The following PLEKHA1 variants were observed in gnomAD, a reference collection of about 807,000 sequenced individuals.
PLEKHA1 encodes pleckstrin homology domain containing A1, also known as pleckstrin homology domain-containing family A member 1.
Under a neutral mutation model 52.0 loss-of-function variants are expected in PLEKHA1, and 34 were observed. The observed-to-expected ratio is 0.65, with a 90% confidence interval of 0.50 to 0.87. PLEKHA1 has a LOEUF of 0.87. Ranked by LOEUF, PLEKHA1 falls within the 40% of genes least tolerant of loss-of-function variation. PLEKHA1 has a pLI of 0.00. For synonymous variants in PLEKHA1, 163 were observed against 170.7 expected (o/e 0.95, Z 0.35); for missense variants, 497 against 504.2 (o/e 0.99, Z 0.14).
Position 122,418,255 on chromosome 10 carries a change from G to C in PLEKHA1, c.681+287G>C, listed in dbSNP as rs1418398546. The C allele has an allele frequency of 3.7e-5, 10 of 268,902 alleles. No homozygotes were observed. The South Asian group carries it at 4.2e-4, about 11-fold the overall frequency. The allele number at this position is 268,902 out of a possible 1,614,324, so 16.7% of individuals were successfully genotyped here. ...CTCTAAAGGGGCTGTCCTCTTGGGG[G>C]GTTAGCCCCACGTGGAGTAGGGAGA... On this transcript the variant is annotated intron_variant, in intron 8 of 11. Coordinates refer to ENST00000368990, the MANE Select transcript of PLEKHA1 (RefSeq NM_001001974.4).
intron 4 of PLEKHA1, among the ~76,000 whole-genome samples, chr10:122,405,038 AAAAT>A (rs1453917510): frequency 6.6e-6 from 1 of 152,214 alleles, no homozygotes; most frequent in African/African-American, 2.4e-5. Flanking sequence ...TATGCTTTTA[AAAAT>A]AAATGCAGAT....
At position 122,397,985 on chromosome 10, in the gene PLEKHA1, T is replaced by C; in HGVS notation, c.198+11T>C. On this transcript the variant is annotated intron_variant, in intron 3 of 11. Coordinates refer to ENST00000368990, the MANE Select transcript of PLEKHA1 (RefSeq NM_001001974.4). Reference sequence around the variant, plus strand: ...ACCTACATTTCAAAGGTAGTCTTTATACATTGTCTTATACTCGTGTGAATT... The same window carrying C: ...ACCTACATTTCAAAGGTAGTCTTTACACATTGTCTTATACTCGTGTGAATT... The C allele has an allele frequency of 2.5e-6, 4 of 1,596,782 alleles. No homozygotes were observed. Among genetic ancestry groups the C allele is most frequent in the Non-Finnish European group, 3.4e-6 (4 of 1,165,202 alleles).
Position 122,429,635 on chromosome 10 carries a change from C to G in PLEKHA1, c.912C>G (p.Pro304=), listed in dbSNP as rs138394797. ...ACTCCTTTTTGCAGGAGCATCCCCC[C>G]GGTCCTTCAGAATCCAAACACGCTT... is the stretch of plus-strand genomic sequence containing the variant. ...PGRSASSEHP[P]GPSESKHAFR... is the part of the protein sequence containing the mutation. The change falls in exon 12 of 12, where the codon CCC becomes CCG. Residue 304 remains proline, a synonymous_variant. Transcript: ENST00000368990. 2.5e-6 allele frequency: 4 copies of G among 1,613,432 alleles called. No individual in the cohort carries two copies. In the East Asian group the frequency reaches 6.7e-5, roughly 27 times the overall value.
Position 122,406,654 on chromosome 10 carries a change from A to G in PLEKHA1, c.323A>G (p.Asn108Ser). ...CTAGTGGAATGGGTAAATGTGTTAAACAAAGCTATAAAAATTACAGTAAGT... is the reference window on the plus strand; with the variant it reads ...CTAGTGGAATGGGTAAATGTGTTAAGCAAAGCTATAAAAATTACAGTAAGT... Reference protein sequence around the residue: ...QDLVEWVNVLNKAIKITVPKQ... With the variant: ...QDLVEWVNVLSKAIKITVPKQ... The change falls in exon 5 of 12, where the codon AAC becomes AGC. Residue 108 changes from asparagine to serine, a missense_variant. By Grantham distance (46) the Asn-to-Ser change is conservative (BLOSUM62 1). Transcript: ENST00000368990. 6.2e-7 allele frequency: 1 copy of G among 1,608,750 alleles called. No homozygotes were observed. Among genetic ancestry groups the G allele is most frequent in the Non-Finnish European group, 8.5e-7 (1 of 1,175,386 alleles).
At chr10:122,384,535 G>T (rs1008865807) in intron 1 of PLEKHA1, among the ~76,000 whole-genome samples, 1 of 151,378 alleles carries the variant, frequency 6.6e-6, no homozygotes, top group African/African-American at 2.4e-5. Context: ...GTGAACCCCA[G>T]GGGGCAGAGC....
At chr10:122,419,102 C>T (rs2097220467) in intron 8 of PLEKHA1, 1 of 152,176 alleles carries the variant, frequency 6.6e-6, no homozygotes, top group Non-Finnish European at 1.5e-5. Flanking sequence ...AGATTCACCT[C>T]AGGAGTCAGC....
chr10:122,393,070 T>C lies in PLEKHA1; in HGVS notation c.-20-111T>C. ...AGATGTTGGTGTGTGTTCATTTTAA[T>C]TGACCTTACCTAATGTTGGCAAGTT... On this transcript the variant is annotated intron_variant, in intron 1 of 11. Transcript: ENST00000368990. The surrounding 1 kb of genome is among the most constrained non-coding windows in gnomAD (Gnocchi z 4.5). 1.3e-6 allele frequency: 1 copy of C among 761,816 alleles called. No individual in the cohort carries two copies. The highest frequency in any genetic ancestry group is 1.8e-5 in the African/African-American group (1 of 56,390). 47.2% of individuals were successfully genotyped at this position (761,816 alleles called of 1,614,324 possible).
chr10:122,400,375 G>A lies in PLEKHA1; in HGVS notation c.231G>A (p.Ala77=), dbSNP rs759228810. The change falls in exon 4 of 12, where the codon GCG becomes GCA. Residue 77 remains alanine, a synonymous_variant. Transcript: ENST00000368990. ...ATGCTACTAAGCTAAGGCCAAAGGCGGAGTTCTGTTTTGGTAAGTAGCCAT... is the reference window on the plus strand; with the variant it reads ...ATGCTACTAAGCTAAGGCCAAAGGCAGAGTTCTGTTTTGGTAAGTAGCCAT... ...VSDATKLRPK[A]EFCFVMNAGM... 35 of 1,606,518 alleles carry A rather than the reference G, an allele frequency of 2.2e-5. No individual in the cohort carries two copies. The highest frequency in any genetic ancestry group is 1.2e-4 in the Admixed American group (7 of 58,498).
chr10:122,389,083 G>A, intron 1 of PLEKHA1, among the ~76,000 whole-genome samples: 1 of 152,196 alleles, frequency 6.6e-6, no homozygotes, highest in East Asian at 1.9e-4. Flanking sequence ...AATCATGAAT[G>A]TTCTGAACAG....
chr10:122,391,454 G>A (rs2096774025), intron 1 of PLEKHA1, among the ~76,000 whole-genome samples: 1 of 152,102 alleles, frequency 6.6e-6, no homozygotes, highest in South Asian at 2.1e-4. Context: ...ATGGTGTGAG[G>A]TAGGGGGTCC....
intron 9 of PLEKHA1, 139 bp downstream of exon 9, chr10:122,424,402 A>G: frequency 1.0e-6 from 1 of 966,082 alleles, no homozygotes; most frequent in Non-Finnish European, 1.4e-6. Context: ...GAGATACACT[A>G]GAATTTTCAA....
At chr10:122,384,377 G>C (rs2096658114) in intron 1 of PLEKHA1, among the ~76,000 whole-genome samples, 2 of 149,040 alleles carry the variant, frequency 1.3e-5, no homozygotes, top group African/African-American at 5.0e-5. Context: ...GGGAGGCCGA[G>C]ATGGGCGGAT....
At chr10:122,435,923 C>T (rs549194771), downstream of PLEKHA1, 1 of 151,954 alleles carries the variant, frequency 6.6e-6, no homozygotes, top group East Asian at 1.9e-4. Flanking sequence ...ATATTGTGTA[C>T]CCTTTACTCA....
intron 4 of PLEKHA1, among the ~76,000 whole-genome samples, chr10:122,401,035 TGGA>T (rs939759216): frequency 3.3e-5 from 5 of 152,152 alleles, no homozygotes; most frequent in Non-Finnish European, 5.9e-5. Flanking sequence ...GGAGCCTCAC[TGGA>T]GGAGGAGATG....
chr10:122,428,183 A>C (rs551195344), intron 11 of PLEKHA1: 1 of 1,179,936 alleles, frequency 8.5e-7, no homozygotes, highest in East Asian at 3.1e-5. Context: ...GGCAGATTGG[A>C]CTATCTAGCT....
chr10:122,382,716 C>T (rs1352169581), intron 1 of PLEKHA1, among the ~76,000 whole-genome samples: 1 of 152,032 alleles, frequency 6.6e-6, no homozygotes, highest in Non-Finnish European at 1.5e-5. Context: ...ACAGTTTGTT[C>T]TTTTGTTTTT....
At chr10:122,437,851 G>A in the PLEKHA1 span, 89 of 152,520 alleles carry the variant, frequency 5.8e-4, no homozygotes, top group African/African-American at 2.0e-3. Context: ...ATCTTGCCAG[G>A]GCCTGTTCTG....
In PLEKHA1 at chr10:122,424,267, AG is replaced by A. The variant is rs1275378276; in HGVS notation, c.746+6del. 4 of 1,596,874 alleles carry A rather than the reference AG, an allele frequency of 2.5e-6. No individual in the cohort carries two copies. Among genetic ancestry groups the A allele is most frequent in the Non-Finnish European group, 3.4e-6 (4 of 1,175,966 alleles). On this transcript the variant is annotated splice_donor_5th_base_variant and intron_variant, in intron 9 of 11. Transcript: ENST00000368990. ...AAGTCCAGGAATGTAAGCAAAGGTA[AG>A]GAACCGCTCTGACTTGATGCCTGGC... is the stretch of plus-strand genomic sequence containing the variant.
chr10:122,375,741 G>A (rs745420595), intron 1 of PLEKHA1, among the ~76,000 whole-genome samples: 1 of 152,196 alleles, frequency 6.6e-6, no homozygotes, highest in Non-Finnish European at 1.5e-5. Context: ...GCTCTCTGGG[G>A]GCAGTACAAG....
Sources: allele counts gnomAD v4.1 joint callset (sites outside exome capture counted in the v4.1 genomes callset), GRCh38; gene constraint gnomAD v4.1.1; non-coding constraint Gnocchi (gnomAD v3.1); transcripts MANE v1.5; gene names NCBI Gene and HGNC (gene_info 2026-07-23, HGNC 2026-07-21).